The following IL1RAPL1 variants were observed in gnomAD, a reference collection of about 807,000 sequenced individuals.
IL1RAPL1 encodes interleukin-1 receptor accessory protein-like 1.
Under a neutral mutation model 48.4 loss-of-function variants are expected in IL1RAPL1, and 3 were observed. That is an observed-to-expected ratio of 0.06 (90% CI 0.03 to 0.16). The LOEUF (loss-of-function observed/expected upper bound fraction) is 0.16, where lower values mean the gene tolerates loss of function less well. IL1RAPL1 is among the 10% of genes least tolerant of loss of function. The pLI is 1.00. For synonymous variants in IL1RAPL1, 185 were observed against 187.7 expected, an observed-to-expected ratio of 0.99 and a Z score of 0.12; for missense variants, 349 against 530.6, an observed-to-expected ratio of 0.66 and a Z score of 3.36.
At chrX:29,202,680 A>G (rs1467407329) in intron 2 of IL1RAPL1, among the ~76,000 whole-genome samples, 1 of 112,213 alleles carries the variant, frequency 8.9e-6, no homozygotes, top group Non-Finnish European at 1.9e-5. Flanking sequence ...ATGCTGCCAT[A>G]AAAAAGAATG....
chrX:29,073,278 A>G (rs745390291), intron 2 of IL1RAPL1, among the ~76,000 whole-genome samples: 126 of 111,891 alleles, frequency 1.1e-3, no homozygotes, highest in African/African-American at 3.9e-3. Flanking sequence ...TGTGGTATCT[A>G]TAACCTTAAT....
chrX:28,946,270 A>G (rs1052275630), intron 2 of IL1RAPL1, among the ~76,000 whole-genome samples: 3 of 110,750 alleles, frequency 2.7e-5, no homozygotes, highest in Admixed American at 9.8e-5. Context: ...AATAACTTCA[A>G]TCATTTATTT....
chrX:28,751,746 T>A (rs1936046016), intron 1 of IL1RAPL1, among the ~76,000 whole-genome samples: 1 of 112,091 alleles, frequency 8.9e-6, no homozygotes, highest in South Asian at 3.6e-4. Context: ...AAAGAATAAG[T>A]TTGATTTCAA....
intron 2 of IL1RAPL1, among the ~76,000 whole-genome samples, chrX:29,006,177 G>C (rs1010229262): frequency 7.2e-5 from 8 of 110,535 alleles, no homozygotes; most frequent in African/African-American, 2.3e-4. Context: ...GGGGAGAATT[G>C]GGTGGAGGGG....
chrX:29,548,335 T>C (rs1029783423), intron 5 of IL1RAPL1, among the ~76,000 whole-genome samples: 2 of 112,658 alleles, frequency 1.8e-5, no homozygotes, highest in Admixed American at 1.9e-4. Flanking sequence ...TTCAGTGCTG[T>C]CATTTTCTTT....
chrX:29,662,413 A>G (rs1020265459), intron 5 of IL1RAPL1, among the ~76,000 whole-genome samples: 3 of 111,638 alleles, frequency 2.7e-5, no homozygotes, highest in Middle Eastern at 4.7e-3. Context: ...TTTAATTTTC[A>G]TAGTACTTAT....
At chrX:28,741,221 G>A (rs982159191) in intron 1 of IL1RAPL1, among the ~76,000 whole-genome samples, 1 of 111,026 alleles carries the variant, frequency 9.0e-6, no homozygotes, top group African/African-American at 3.3e-5. Flanking sequence ...TTACTTTTTG[G>A]TAATAGTCAT....
At chrX:28,782,733 T>A (rs1291004160) in intron 1 of IL1RAPL1, among the ~76,000 whole-genome samples, 1 of 112,111 alleles carries the variant, frequency 8.9e-6, no homozygotes, top group Admixed American at 9.5e-5. Flanking sequence ...TATACTTTAA[T>A]AGCATTTTGA....
At chrX:29,804,282 G>A (rs943234944) in intron 6 of IL1RAPL1, among the ~76,000 whole-genome samples, 2 of 111,282 alleles carry the variant, frequency 1.8e-5, no homozygotes, top group African/African-American at 6.5e-5. Flanking sequence ...CTTAGGGCCC[G>A]GAGAGGTGGG....
intron 2 of IL1RAPL1, among the ~76,000 whole-genome samples, chrX:29,086,247 C>T (rs527965698): frequency 8.0e-5 from 9 of 112,263 alleles, no homozygotes; most frequent in South Asian, 7.4e-4. Flanking sequence ...AGCATCCCTA[C>T]GTTTAGTCTG....
chrX:29,279,785 T>A (rs1932172708), intron 2 of IL1RAPL1, among the ~76,000 whole-genome samples: 1 of 112,364 alleles, frequency 8.9e-6, no homozygotes, highest in Non-Finnish European at 1.9e-5. Context: ...CTTCCAACAT[T>A]TTCTCAGAAA....
chrX:29,594,107 G>A (rs1198142789), intron 5 of IL1RAPL1, among the ~76,000 whole-genome samples: 5 of 112,653 alleles, frequency 4.4e-5, no homozygotes, highest in Admixed American at 1.9e-4. Context: ...GATAAATGGT[G>A]TATAGAAATC....
chrX:29,842,763 CAGTT>C (rs1315126075), intron 6 of IL1RAPL1, among the ~76,000 whole-genome samples: 1 of 112,141 alleles, frequency 8.9e-6, no homozygotes, highest in Non-Finnish European at 1.9e-5. Flanking sequence ...ACGGAGACTT[CAGTT>C]TCCTGGAGGA....
At chrX:29,502,326 G>A (rs1490461515) in intron 5 of IL1RAPL1, among the ~76,000 whole-genome samples, 9 of 110,777 alleles carry the variant, frequency 8.1e-5, no homozygotes, top group African/African-American at 3.0e-4. Context: ...CTCTTGCCTA[G>A]TTGCTCTGTC....
intron 2 of IL1RAPL1, among the ~76,000 whole-genome samples, chrX:28,885,122 A>C (rs1309120704): frequency 8.9e-6 from 1 of 111,790 alleles, no homozygotes; most frequent in African/African-American, 3.2e-5. Flanking sequence ...AGATGCAAAA[A>C]AAATGCTTCG....
Position 28,771,955 on chromosome X carries a change from A to AG in IL1RAPL1, c.-24-17365_-24-17364insG, listed in dbSNP as rs919173521. On this transcript the variant is annotated intron_variant, in intron 1 of 10. Coordinates refer to ENST00000378993, the MANE Select transcript of IL1RAPL1 (RefSeq NM_014271.4). ...TCCGTCTCAAAAAAAAAAAAAAAAA[A>AG]AAAAGAAAAAAGAAAATTGCTAGAG... Among the ~76,000 whole-genome samples, 44 of 109,147 alleles carry AG rather than the reference A, an allele frequency of 4.0e-4. 1 individual carries two copies. The highest frequency in any genetic ancestry group is 8.6e-4 in the East Asian group (3 of 3,485). The allele number at this position is 109,147 out of a possible 115,157, so 94.8% of individuals were successfully genotyped here. A position where few individuals can be genotyped will look rare whatever the true frequency, so the allele number is the denominator to read the frequency against.
chrX:29,094,390 G>A (rs990428265), intron 2 of IL1RAPL1, among the ~76,000 whole-genome samples: 2 of 110,611 alleles, frequency 1.8e-5, no homozygotes, highest in East Asian at 2.8e-4. Flanking sequence ...GTTATAAGGC[G>A]GATTTTTAGT....
chrX:29,100,203 T>A (rs1928305467), intron 2 of IL1RAPL1, among the ~76,000 whole-genome samples: 1 of 111,425 alleles, frequency 9.0e-6, no homozygotes, highest in African/African-American at 3.3e-5. Context: ...AGAGTGAGAC[T>A]CCATCTCCAA....
chrX:29,033,985 C>T lies in IL1RAPL1; in HGVS notation c.82+244560C>T, dbSNP rs191414039. On this transcript the variant is annotated intron_variant, in intron 2 of 10. Transcript: ENST00000378993. ...TGCCACATAAAAAGAAATTATAGTA[C>T]CTGCCATAATAACATAAATTTATTC... 3.6e-5 allele frequency among the ~76,000 whole-genome samples: 4 copies of T among 111,017 alleles called. No homozygotes were observed. In the East Asian group the frequency reaches 1.1e-3, roughly 32 times the overall value.
Sources: gnomAD v4.1 joint callset for allele counts (sites outside exome capture counted in the v4.1 genomes callset) on GRCh38, gnomAD v4.1.1 for gene constraint, MANE v1.5 for transcripts, NCBI Gene and HGNC (gene_info 2026-07-23, HGNC 2026-07-21) for gene names.